The following ARL15 variants were observed in gnomAD, a reference collection of about 807,000 sequenced individuals.
ARL15 encodes the protein ADP-ribosylation factor-like protein 15.
In ARL15, 19 loss-of-function variants were observed where a neutral mutation model predicts 25.2. That is an observed-to-expected ratio of 0.75 (90% confidence interval 0.53 to 1.10). The LOEUF (loss-of-function observed/expected upper bound fraction) is 1.10, where lower values mean the gene tolerates loss of function less well. ARL15 is among the 50% of genes least tolerant of loss of function. The pLI is 0.00. For synonymous variants in ARL15, 94 were observed against 86.8 expected (o/e 1.08, Z -0.46); for missense variants, 220 against 246.0 (o/e 0.89, Z 0.71).
At chr5:53,890,211 G>A (rs949626600) in intron 4 of ARL15, among the ~76,000 whole-genome samples, 1 of 151,986 alleles carries the variant, frequency 6.6e-6, no homozygotes, top group African/African-American at 2.4e-5. Flanking sequence ...CATTTGAATT[G>A]TTCACCATTG....
chr5:54,159,621 T>C (rs1051861341), intron 2 of ARL15, among the ~76,000 whole-genome samples: 2 of 152,186 alleles, frequency 1.3e-5, no homozygotes, highest in Non-Finnish European at 2.9e-5. Flanking sequence ...CGGTTAAGTC[T>C]CCCCAGGCTC....
chr5:53,985,535 T>A (rs1362289427), intron 4 of ARL15, among the ~76,000 whole-genome samples: 4 of 152,204 alleles, frequency 2.6e-5, no homozygotes, highest in Non-Finnish European at 5.9e-5. Context: ...CTACTCTGCA[T>A]TCTTGATTTA....
At chr5:54,126,371 T>C (rs1249011339) in intron 3 of ARL15, among the ~76,000 whole-genome samples, 1 of 152,228 alleles carries the variant, frequency 6.6e-6, no homozygotes, top group African/African-American at 2.4e-5. Flanking sequence ...CCCAACCTCT[T>C]GAATTCCCTG....
At chr5:53,936,204 T>C (rs541400711) in intron 4 of ARL15, among the ~76,000 whole-genome samples, 1 of 152,218 alleles carries the variant, frequency 6.6e-6, no homozygotes. Flanking sequence ...ATAATGATGA[T>C]AAATAAGCAG....
intron 4 of ARL15, among the ~76,000 whole-genome samples, chr5:53,908,747 A>C (rs770499232): frequency 6.6e-6 from 1 of 152,218 alleles, no homozygotes; most frequent in Non-Finnish European, 1.5e-5. Flanking sequence ...TACACTCACT[A>C]AATGCACAGG....
chr5:54,056,423 G>T (rs1303664895), intron 4 of ARL15, among the ~76,000 whole-genome samples: 1 of 151,880 alleles, frequency 6.6e-6, no homozygotes, highest in East Asian at 1.9e-4. Context: ...CCTGAGGTCA[G>T]GAGTTCGAAA....
chr5:53,923,867 AAAAAT>A (rs142644539), intron 4 of ARL15, among the ~76,000 whole-genome samples: 11,101 of 151,952 alleles, frequency 0.073, 635 homozygotes, highest in East Asian at 0.32. Context: ...TCCGTCTCAA[AAAAAT>A]AAAATAAAAT....
chr5:54,007,255 T>G (rs1580164539), intron 4 of ARL15, among the ~76,000 whole-genome samples: 1 of 152,316 alleles, frequency 6.6e-6, no homozygotes, highest in East Asian at 1.9e-4. Context: ...TGATCCGCCT[T>G]GGGCTCTTTG....
rs375200947 is a variant in ARL15 at position 54,028,390 on chromosome 5, G to C, written c.462+84812C>G. ...AATACAAAGTCCCATAACAACCTCA[G>C]AGCCTCAAAAGCTCTTTCACTAATT... is the stretch of plus-strand genomic sequence containing the variant. On this transcript the variant is annotated intron_variant, in intron 4 of 4. Coordinates refer to ENST00000504924, the MANE Select transcript of ARL15 (RefSeq NM_019087.3). 7.6e-4 allele frequency among the ~76,000 whole-genome samples: 116 copies of C among 151,848 alleles called. 1 individual carries two copies. The South Asian group carries it at 0.023, about 30-fold the overall frequency.
At position 54,267,070 on chromosome 5, in the gene ARL15, G is replaced by T. The variant is rs536353910; in HGVS notation, c.48+43362C>A. ...CAGAGCTACAGAATCACTCCCTGGGGATGGAGCTGTGTTTTTGTTTTTGTT... is the reference window on the plus strand; with the variant it reads ...CAGAGCTACAGAATCACTCCCTGGGTATGGAGCTGTGTTTTTGTTTTTGTT... On this transcript the variant is annotated intron_variant, in intron 1 of 4. Coordinates refer to ENST00000504924, the MANE Select transcript of ARL15 (RefSeq NM_019087.3). 2.6e-5 allele frequency among the ~76,000 whole-genome samples: 4 copies of T among 152,278 alleles called. No individual in the cohort carries two copies. In the South Asian group the frequency reaches 8.3e-4, roughly 32 times the overall value.
At chr5:54,304,282 A>G (rs1299219330) in intron 1 of ARL15, among the ~76,000 whole-genome samples, 2 of 152,244 alleles carry the variant, frequency 1.3e-5, no homozygotes, top group Non-Finnish European at 2.9e-5. Flanking sequence ...GAACTTGAGG[A>G]AATTACACAA....
intron 4 of ARL15, among the ~76,000 whole-genome samples, chr5:53,949,605 T>C (rs770989389): frequency 3.3e-5 from 5 of 152,226 alleles, no homozygotes; most frequent in Non-Finnish European, 5.9e-5. Flanking sequence ...ATTCCAAGGA[T>C]GTGTCTTCTT....
intron 4 of ARL15, among the ~76,000 whole-genome samples, chr5:53,889,951 TA>T (rs1211333442): frequency 6.6e-6 from 1 of 152,006 alleles, no homozygotes; most frequent in African/African-American, 2.4e-5. Flanking sequence ...GAGCGGAGAT[TA>T]CAGATGCCTG....
chr5:54,047,415 C>T (rs374472790), intron 4 of ARL15, among the ~76,000 whole-genome samples: 7 of 152,098 alleles, frequency 4.6e-5, no homozygotes, highest in South Asian at 2.1e-4. Context: ...CATGTCTCCC[C>T]GCAACATGGT....
Position 53,890,237 on chromosome 5 carries a change from A to G in ARL15, c.463-3524T>C, listed in dbSNP as rs547376754. Among the ~76,000 whole-genome samples the G allele has an allele frequency of 2.0e-5, 3 of 152,232 alleles. No homozygotes were observed. The East Asian group carries it at 5.8e-4, about 29-fold the overall frequency. On this transcript the variant is annotated intron_variant, in intron 4 of 4. Coordinates refer to ENST00000504924, the MANE Select transcript of ARL15 (RefSeq NM_019087.3). ...TTCACCATTGCTTTTTTGTCTTTGT[A>G]TATGTTGATGTACAGTTTTAAAGAA...
chr5:54,171,760 A>G, intron 2 of ARL15, 24 bp downstream of exon 2: 1 of 1,593,268 alleles, frequency 6.3e-7, no homozygotes, highest in Non-Finnish European at 8.6e-7. Flanking sequence ...AGAAGAAGGG[A>G]CAGAACCCCA....
Position 54,161,838 on chromosome 5 carries a change from C to T in ARL15, c.194-7199G>A, listed in dbSNP as rs148513629. Reference sequence around the variant, plus strand: ...GTGAATGATTCACTGGAGGCCTAGTCCAGCTATTCTGCCATCTTCCACACT... The same window carrying T: ...GTGAATGATTCACTGGAGGCCTAGTTCAGCTATTCTGCCATCTTCCACACT... On this transcript the variant is annotated intron_variant, in intron 2 of 4. Coordinates refer to ENST00000504924, the MANE Select transcript of ARL15 (RefSeq NM_019087.3). Among the ~76,000 whole-genome samples, 292 of 152,208 alleles carry T rather than the reference C, an allele frequency of 1.9e-3. 2 individuals carry two copies. The highest frequency in any genetic ancestry group is 6.7e-3 in the African/African-American group (277 of 41,532).
intron 4 of ARL15, among the ~76,000 whole-genome samples, chr5:54,074,991 C>T (rs1260965292): frequency 1.5e-5 from 2 of 130,506 alleles, no homozygotes; most frequent in Non-Finnish European, 1.6e-5. Context: ...GACACAAAAA[C>T]TCTAGAAATA....
At chr5:53,946,455 G>GAAAA (rs55727717) in intron 4 of ARL15, among the ~76,000 whole-genome samples, 48 of 43,918 alleles carry the variant, frequency 1.1e-3, no homozygotes, top group Admixed American at 1.4e-3. Context: ...GTCTCAAGAG[G>GAAAA]AAAAAAAAAA....
Sources: gnomAD v4.1 joint callset for allele counts (sites outside exome capture counted in the v4.1 genomes callset) on GRCh38, gnomAD v4.1.1 for gene constraint, MANE v1.5 for transcripts, NCBI Gene and HGNC (gene_info 2026-07-23, HGNC 2026-07-21) for gene names.